Variants in TMEM161B observed in about 807,000 individuals in gnomAD.
The protein encoded by TMEM161B is transmembrane protein 161B.
TMEM161B carries 34 observed loss-of-function variants against 61.8 expected under a neutral mutation model. The ratio of observed to expected loss-of-function variants is 0.55; its 90% CI spans 0.42 to 0.73. The LOEUF is 0.73. Ranked by LOEUF, TMEM161B falls within the 30% of genes least tolerant of loss-of-function variation. The pLI, the probability that TMEM161B is intolerant of heterozygous loss-of-function variation, is 0.00. For synonymous variants in TMEM161B, 167 were observed against 192.8 expected (o/e 0.87, Z 1.11); for missense variants, 456 against 558.5 (o/e 0.82, Z 1.85).
intron 5 of TMEM161B, among the ~76,000 whole-genome samples, chr5:88,209,631 T>C (rs1407757168): frequency 2.0e-5 from 3 of 152,180 alleles, no homozygotes; most frequent in Admixed American, 2.0e-4. Context: ...AATCACTGCA[T>C]CCTCACTTCA....
Position 88,225,856 on chromosome 5 carries a change from C to T in TMEM161B, c.202G>A (p.Gly68Ser). ...GKTKKDRKYNGHIESKPLTIP... is the reference protein window; with the variant it reads ...GKTKKDRKYNSHIESKPLTIP... The stretch of plus-strand genomic sequence containing the variant: ...GTTAATGGCTTACTTTCAATGTGAC[C>T]ATTATATTTCCTATAAAAATCAGAC... Residue 68 changes from glycine to serine, a missense_variant, in exon 4 of 12, where the codon GGT becomes AGT. Physicochemically the swap from Gly to Ser is moderately conservative, Grantham distance 56. Coordinates refer to ENST00000296595, the MANE Select transcript of TMEM161B (RefSeq NM_153354.5). The T allele has an allele frequency of 2.5e-6, 4 of 1,599,810 alleles. No homozygotes were observed. The highest frequency in any genetic ancestry group is 3.4e-6 in the Non-Finnish European group (4 of 1,172,346).
intron 1 of TMEM161B, among the ~76,000 whole-genome samples, chr5:88,247,610 G>C (rs1580678029): frequency 6.6e-6 from 1 of 152,014 alleles, no homozygotes; most frequent in Non-Finnish European, 1.5e-5. Context: ...AGACTTCTTA[G>C]GGATGCTCAT....
At chr5:88,193,564 T>C (rs1441604228), downstream of TMEM161B, among the ~76,000 whole-genome samples, 3 of 152,094 alleles carry the variant, frequency 2.0e-5, no homozygotes, top group Non-Finnish European at 4.4e-5. Context: ...AAATACTTGG[T>C]TTGCTCAAGC....
intron 1 of TMEM161B, among the ~76,000 whole-genome samples, chr5:88,244,728 T>A (rs1033426574): frequency 2.6e-5 from 4 of 151,964 alleles, no homozygotes; most frequent in African/African-American, 9.7e-5. Context: ...CACATTGCTT[T>A]GGGCAGTATG....
intron 8 of TMEM161B, among the ~76,000 whole-genome samples, chr5:88,204,295 T>C (rs1265782920): frequency 6.6e-6 from 1 of 151,982 alleles, no homozygotes; most frequent in Non-Finnish European, 1.5e-5. Flanking sequence ...TACAACACAA[T>C]GAGGGGCTGC....
intron 2 of TMEM161B, among the ~76,000 whole-genome samples, chr5:88,230,451 T>C (rs1750804211): frequency 6.6e-6 from 1 of 152,144 alleles, no homozygotes; most frequent in Non-Finnish European, 1.5e-5. Context: ...TACTTGAAAA[T>C]TCCCATTAAA....
chr5:88,188,416 G>T (rs980228439), downstream of TMEM161B, among the ~76,000 whole-genome samples: 1 of 151,232 alleles, frequency 6.6e-6, no homozygotes. Context: ...GTGCCTGGTC[G>T]TCTTTTTGAT....
intron 10 of TMEM161B, 43 bp downstream of exon 10, chr5:88,198,933 C>T (rs762896042): frequency 1.3e-5 from 20 of 1,495,360 alleles, no homozygotes; most frequent in African/African-American, 5.8e-5. Flanking sequence ...TTTTACAGTG[C>T]GGTTTTTGCT....
At chr5:88,203,134 C>T (rs889846088) in intron 8 of TMEM161B, 59 bp from the exon 9 acceptor site, 1 of 1,059,468 alleles carries the variant, frequency 9.4e-7, no homozygotes, top group East Asian at 2.4e-5. Flanking sequence ...TAATAAACTA[C>T]AGAAGCTGGG....
chr5:88,264,178 G>A (rs1051773329), intron 1 of TMEM161B, among the ~76,000 whole-genome samples: 17 of 151,490 alleles, frequency 1.1e-4, no homozygotes, highest in Admixed American at 4.6e-4. Flanking sequence ...ACTTAATTGC[G>A]GAACTTATTA....
intron 1 of TMEM161B, among the ~76,000 whole-genome samples, chr5:88,258,353 G>A (rs1755261036): frequency 1.3e-5 from 2 of 152,212 alleles, no homozygotes; most frequent in South Asian, 4.1e-4. Context: ...AAACTGTCTA[G>A]TAATAACTGA....
At chr5:88,212,845 T>C (rs769298158) in intron 5 of TMEM161B, among the ~76,000 whole-genome samples, 3 of 152,144 alleles carry the variant, frequency 2.0e-5, no homozygotes, top group South Asian at 2.1e-4. Flanking sequence ...TGAGAAGAAA[T>C]AGACCATATT....
At chr5:88,243,769 T>A (rs1308832711) in intron 1 of TMEM161B, among the ~76,000 whole-genome samples, 1 of 151,958 alleles carries the variant, frequency 6.6e-6, no homozygotes, top group Non-Finnish European at 1.5e-5. Context: ...TATTTTTGAC[T>A]TTTTATTAAC....
At chr5:88,212,836 G>A (rs1270670546) in intron 5 of TMEM161B, among the ~76,000 whole-genome samples, 1 of 152,158 alleles carries the variant, frequency 6.6e-6, no homozygotes, top group African/African-American at 2.4e-5. Flanking sequence ...ATGCTCTTTT[G>A]AGAAGAAATA....
At chr5:88,231,886 A>C (rs1751048391) in intron 2 of TMEM161B, among the ~76,000 whole-genome samples, 1 of 152,210 alleles carries the variant, frequency 6.6e-6, no homozygotes, top group African/African-American at 2.4e-5. Flanking sequence ...TTCTGTTTAA[A>C]GATATCTTAT....
intron 5 of TMEM161B, among the ~76,000 whole-genome samples, chr5:88,211,075 G>A (rs1450809398): frequency 6.6e-6 from 1 of 151,826 alleles, no homozygotes; most frequent in Admixed American, 6.6e-5. Flanking sequence ...CCCAGATACT[G>A]CAAGCCATAG....
Position 88,236,364 on chromosome 5 carries a change from T to A in TMEM161B, c.107+4449A>T, listed in dbSNP as rs931821392. Among the ~76,000 whole-genome samples the A allele has an allele frequency of 3.3e-5, 5 of 151,968 alleles. No individual in the cohort carries two copies. The East Asian group carries it at 5.8e-4, about 18-fold the overall frequency. On this transcript the variant is annotated intron_variant, in intron 2 of 11. Coordinates refer to ENST00000296595, the MANE Select transcript of TMEM161B (RefSeq NM_153354.5). ...AAGCTATCACAGAGAAAAAGCAGTA[T>A]CCTACTCCTCATGCAAAACCCACTA...
chr5:88,232,818 C>T (rs149308830), intron 2 of TMEM161B, among the ~76,000 whole-genome samples: 6,459 of 152,294 alleles, frequency 0.042, 218 homozygotes, highest in Middle Eastern at 0.075. Flanking sequence ...TCATGATCTG[C>T]CCGCCTTGGC....
chr5:88,238,942 T>C (rs1479863571), intron 2 of TMEM161B, among the ~76,000 whole-genome samples: 4 of 151,934 alleles, frequency 2.6e-5, no homozygotes, highest in African/African-American at 9.7e-5. Context: ...CTAGACTTTC[T>C]CGATATCCTT....
Sources: allele counts gnomAD v4.1 joint callset (sites outside exome capture counted in the v4.1 genomes callset), GRCh38; gene constraint gnomAD v4.1.1; transcripts MANE v1.5; gene names NCBI Gene and HGNC (gene_info 2026-07-23, HGNC 2026-07-21).